The following RBM20 variants were observed in gnomAD, a reference collection of about 807,000 sequenced individuals.
RBM20 encodes RNA-binding protein 20.
RBM20 carries 51 observed loss-of-function variants against 110.1 expected under a neutral mutation model. That is an observed-to-expected ratio of 0.46 (90% CI 0.37 to 0.59). RBM20 has a LOEUF of 0.59. Among genes scored for constraint, RBM20 ranks in the 20% least tolerant of loss-of-function variants. RBM20 has a pLI of 0.00. For missense variants in RBM20, 1,512 were observed against 1,574.9 expected, an observed-to-expected ratio of 0.96 and a Z score of 0.68; for synonymous variants, 589 against 618.2, an observed-to-expected ratio of 0.95 and a Z score of 0.70.
At chr10:110,831,242 C>G in intron 13 of RBM20, 60 bp downstream of exon 13, 1 of 1,524,890 alleles carries the variant, frequency 6.6e-7, no homozygotes, top group South Asian at 1.2e-5. Flanking sequence ...ATAACCGAGC[C>G]AGGTGTCTGG....
At chr10:110,801,822 A>G (rs7393434) in intron 7 of RBM20, among the ~76,000 whole-genome samples, 111,260 of 151,600 alleles carry the variant, frequency 0.73, 40,968 homozygotes, top group East Asian at 0.84. Flanking sequence ...TGGGATTACA[A>G]GCGTGAACCA....
intron 1 of RBM20, among the ~76,000 whole-genome samples, chr10:110,699,195 C>T (rs531518795): frequency 5.2e-4 from 78 of 150,786 alleles, no homozygotes; most frequent in African/African-American, 1.7e-3. Flanking sequence ...CAGGCAGTGG[C>T]TTCTTACTCA....
chr10:110,752,920 C>CATATATATATAT (rs760317651), intron 1 of RBM20, among the ~76,000 whole-genome samples: 8 of 125,190 alleles, frequency 6.4e-5, no homozygotes, highest in African/African-American at 2.6e-4. Context: ...TATATTTATA[C>CATATATATATAT]ATATATATAT....
intron 5 of RBM20, among the ~76,000 whole-genome samples, chr10:110,792,870 G>A (rs1844501951): frequency 6.6e-6 from 1 of 152,152 alleles, no homozygotes; most frequent in Non-Finnish European, 1.5e-5. Flanking sequence ...CTTGGGAATG[G>A]ATGCATGGTT....
chr10:110,752,654 A>C (rs1189426559), intron 1 of RBM20, among the ~76,000 whole-genome samples: 1 of 152,128 alleles, frequency 6.6e-6, no homozygotes, highest in African/African-American at 2.4e-5. Context: ...AATATTGCAT[A>C]CACACCCAAA....
rs536552209 is a variant in RBM20 at position 110,792,372 on chromosome 10, G to C, written c.1528-5136G>C. Among the ~76,000 whole-genome samples, 5 of 152,200 alleles carry C rather than the reference G, an allele frequency of 3.3e-5. No individual in the cohort carries two copies. In the East Asian group the frequency reaches 5.8e-4, roughly 18 times the overall value. On this transcript the variant is annotated intron_variant, in intron 5 of 13. Transcript: ENST00000369519. ...AATCATTGTAACACATCCTTTAACT[G>C]TTGGGTGGAGGAAGGAGATAAACAT...
chr10:110,721,609 G>T (rs893242461), intron 1 of RBM20, among the ~76,000 whole-genome samples: 1 of 152,106 alleles, frequency 6.6e-6, no homozygotes, highest in Non-Finnish European at 1.5e-5. Context: ...AAATCAGCAC[G>T]CTCTTCTGCA....
At chr10:110,802,031 C>T (rs561795346) in intron 7 of RBM20, among the ~76,000 whole-genome samples, 3 of 152,184 alleles carry the variant, frequency 2.0e-5, no homozygotes, top group South Asian at 2.1e-4. Context: ...AACTGGAGCA[C>T]GTAGTCTATT....
chr10:110,777,145 G>C lies in RBM20; in HGVS notation c.192-3656G>C, dbSNP rs947996646. Among the ~76,000 whole-genome samples the C allele has an allele frequency of 2.0e-5, 3 of 152,204 alleles. No individual in the cohort carries two copies. In the East Asian group the frequency reaches 5.8e-4, roughly 29 times the overall value. ...GAGGCAGTGTGCTGAGGAAATACAA[G>C]ATTCTCCAAGACACACTCCTTTCTC... On this transcript the variant is annotated intron_variant, in intron 1 of 13. Coordinates refer to ENST00000369519, the MANE Select transcript of RBM20 (RefSeq NM_001134363.3).
intron 7 of RBM20, among the ~76,000 whole-genome samples, chr10:110,807,668 G>A (rs1377561420): frequency 1.3e-5 from 2 of 152,226 alleles, no homozygotes; most frequent in Non-Finnish European, 1.5e-5. Context: ...TCCCTGCCAA[G>A]ACCATCCTCC....
In RBM20 at chr10:110,837,937, A is replaced by G. The variant is rs1845153752; in HGVS notation, c.*1959A>G. 6.6e-6 allele frequency: 1 copy of G among 152,226 alleles called. No homozygotes were observed. The highest frequency in any genetic ancestry group is 2.1e-4 in the South Asian group (1 of 4,832). The allele number at this position is 152,226 out of a possible 1,614,324, so 9.4% of individuals were successfully genotyped here. A position where few individuals can be genotyped will look rare whatever the true frequency, so the allele number is the denominator to read the frequency against. On this transcript the variant is annotated 3_prime_UTR_variant, in exon 14 of 14. Coordinates refer to ENST00000369519, the MANE Select transcript of RBM20 (RefSeq NM_001134363.3). Reference sequence around the variant, plus strand: ...TGTTGGTTTGGACTGAGCTCCTGCAATAGGCCCAACAGACCAAAACAAAAG... The same window carrying G: ...TGTTGGTTTGGACTGAGCTCCTGCAGTAGGCCCAACAGACCAAAACAAAAG...
At chr10:110,687,756 A>G (rs546814267) in intron 1 of RBM20, among the ~76,000 whole-genome samples, 1 of 152,356 alleles carries the variant, frequency 6.6e-6, no homozygotes, top group South Asian at 2.1e-4. Flanking sequence ...CTCGAATGAG[A>G]AAAGACTTCT....
chr10:110,672,510 G>C (rs1285316695), intron 1 of RBM20, among the ~76,000 whole-genome samples: 1 of 152,238 alleles, frequency 6.6e-6, no homozygotes, highest in Admixed American at 6.5e-5. Flanking sequence ...TTCCGTGATC[G>C]TCAGCCAAAG....
At chr10:110,671,689 T>C (rs1447381259) in intron 1 of RBM20, among the ~76,000 whole-genome samples, 2 of 151,960 alleles carry the variant, frequency 1.3e-5, no homozygotes, top group Non-Finnish European at 2.9e-5. Context: ...CAGCTCAAGA[T>C]TTTTTTTAAA....
intron 1 of RBM20, chr10:110,756,758 G>A (rs1047333614): frequency 6.6e-6 from 1 of 152,192 alleles, no homozygotes. Context: ...TGGTTGTCAC[G>A]ATATATGCAT....
chr10:110,831,333 A>G, intron 13 of RBM20, 151 bp downstream of exon 13: 1 of 705,584 alleles, frequency 1.4e-6, no homozygotes. Context: ...GCCATTCCCC[A>G]AGCACACCAG....
chr10:110,657,120 G>A (rs952005584), intron 1 of RBM20, among the ~76,000 whole-genome samples: 5 of 151,784 alleles, frequency 3.3e-5, no homozygotes, highest in African/African-American at 9.7e-5. Flanking sequence ...GGGTTCAAGC[G>A]ATTCTCCTGT....
intron 1 of RBM20, among the ~76,000 whole-genome samples, chr10:110,721,586 A>G (rs572994442): frequency 3.9e-5 from 6 of 152,232 alleles, no homozygotes; most frequent in East Asian, 1.9e-4. Flanking sequence ...GCCTTTTCAC[A>G]TGACCACAGG....
At position 110,769,720 on chromosome 10, in the gene RBM20, A is replaced by G. The variant is rs541139482; in HGVS notation, c.192-11081A>G. Among the ~76,000 whole-genome samples the G allele has an allele frequency of 2.0e-5, 3 of 152,074 alleles. No homozygotes were observed. In the South Asian group the frequency reaches 6.2e-4, roughly 32 times the overall value. On this transcript the variant is annotated intron_variant, in intron 1 of 13. Coordinates refer to ENST00000369519, the MANE Select transcript of RBM20 (RefSeq NM_001134363.3). ...GTTACTCAATTCCTGATAACTCACTATAGATTTTTTTTTTTTCAGACAGGG... is the reference window on the plus strand; with the variant it reads ...GTTACTCAATTCCTGATAACTCACTGTAGATTTTTTTTTTTTCAGACAGGG...
Sources: allele counts gnomAD v4.1 joint callset (sites outside exome capture counted in the v4.1 genomes callset), GRCh38; gene constraint gnomAD v4.1.1; transcripts MANE v1.5; gene names NCBI Gene and HGNC (gene_info 2026-07-23, HGNC 2026-07-21).